The following TP53I13 variants were observed in gnomAD, a reference collection of about 807,000 sequenced individuals.
The protein encoded by TP53I13 is tumor protein p53-inducible protein 13.
A neutral mutation model predicts 39.1 loss-of-function variants in TP53I13; 27 were observed. That is an observed-to-expected ratio of 0.69 (90% CI 0.51 to 0.95). The LOEUF (loss-of-function observed/expected upper bound fraction) is 0.95, where lower values mean the gene tolerates loss of function less well. TP53I13 is among the 40% of genes least tolerant of loss of function. TP53I13 has a pLI of 0.00. For synonymous variants in TP53I13, 230 were observed against 224.6 expected (o/e 1.02, Z -0.22); for missense variants, 544 against 520.4 (o/e 1.05, Z -0.44).
At position 29,573,100 on chromosome 17, in the gene TP53I13, G is replaced by A. The variant is rs924163005; in HGVS notation, c.*176G>A. On this transcript the variant is annotated 3_prime_UTR_variant, in exon 7 of 7. Transcript: ENST00000301057. ...GAGTGGGCGGCCAAGGGGAGAAAAG[G>A]AGCCGCTTCTGCCTCCCTTGCCAAA... 5.4e-5 allele frequency: 25 copies of A among 463,734 alleles called. No homozygotes were observed. The highest frequency in any genetic ancestry group is 8.9e-5 in the Admixed American group (2 of 22,430). The allele number at this position is 463,734 out of a possible 1,614,324, so 28.7% of individuals were successfully genotyped here. A position where few individuals can be genotyped will look rare whatever the true frequency, so the allele number is the denominator to read the frequency against.
intron 3 of TP53I13, 29 bp downstream of exon 3, chr17:29,569,388 T>A: frequency 6.2e-7 from 1 of 1,611,624 alleles, no homozygotes; most frequent in Non-Finnish European, 8.5e-7. Context: ...CCACCACCCT[T>A]GGTGTCCACG....
chr17:29,566,415 G>A (rs1485942864), upstream of TP53I13: 2 of 1,611,932 alleles, frequency 1.2e-6, no homozygotes, highest in East Asian at 2.2e-5. Context: ...GGTAGTAGCC[G>A]CGCTCCAGGG....
At chr17:29,568,670 C>CG (rs965840140), upstream of TP53I13, 6 of 905,174 alleles carry the variant, frequency 6.6e-6, no homozygotes, top group Non-Finnish European at 7.9e-6. This position sits in a 1 kb window ranked among gnomAD's most constrained non-coding sequence, Gnocchi z 4.5. Context: ...GCGGGCGGCG[C>CG]GGGGGCGCTG....
At chr17:29,575,456 C>G, downstream of TP53I13, 2 of 1,607,084 alleles carry the variant, frequency 1.2e-6, no homozygotes, top group Non-Finnish European at 1.7e-6. This position sits in a 1 kb window ranked among gnomAD's most constrained non-coding sequence, Gnocchi z 5.5. Flanking sequence ...CTCTAGAAAC[C>G]TCTTCCCTTC....
the TP53I13 span, chr17:29,578,792 G>A: frequency 6.2e-7 from 1 of 1,613,680 alleles, no homozygotes. Flanking sequence ...GAGGGCAGAG[G>A]GAGATGGGAA....
chr17:29,575,236 C>A, downstream of TP53I13: 2 of 1,576,928 alleles, frequency 1.3e-6, no homozygotes, highest in Non-Finnish European at 1.7e-6. The surrounding 1 kb of genome is among the most constrained non-coding windows in gnomAD (Gnocchi z 5.5). Flanking sequence ...TCTGCAACAC[C>A]CTAGAAGCCA....
chr17:29,575,724 G>T (rs1156253272), downstream of TP53I13: 1 of 1,611,908 alleles, frequency 6.2e-7, no homozygotes, highest in Non-Finnish European at 8.5e-7. This position sits in a 1 kb window ranked among gnomAD's most constrained non-coding sequence, Gnocchi z 5.5. Context: ...GAGGGAAGGG[G>T]CTGTGAGCGC....
the TP53I13 span, chr17:29,581,974 G>T: frequency 6.2e-7 from 1 of 1,612,894 alleles, no homozygotes; most frequent in Non-Finnish European, 8.5e-7. This position sits in a 1 kb window ranked among gnomAD's most constrained non-coding sequence, Gnocchi z 4.8. Flanking sequence ...GGGAGCCAGG[G>T]TCAGCCCCAT....
chr17:29,568,582 T>C, upstream of TP53I13: 1 of 187,082 alleles, frequency 5.3e-6, no homozygotes, highest in Non-Finnish European at 1.0e-5. This position sits in a 1 kb window ranked among gnomAD's most constrained non-coding sequence, Gnocchi z 4.5. Context: ...GGGCGGGCAT[T>C]GGGGCGGGGC....
At chr17:29,577,076 T>G, downstream of TP53I13, 1 of 1,606,644 alleles carries the variant, frequency 6.2e-7, no homozygotes, top group Non-Finnish European at 8.5e-7. Flanking sequence ...GGGAGAGCCA[T>G]GCAGGAAAGA....
downstream of TP53I13, chr17:29,577,782 AGGCCCCCAAGGTGGGGGT>A (rs1168085780): frequency 7.9e-7 from 1 of 1,261,026 alleles, no homozygotes; most frequent in Non-Finnish European, 1.2e-6. Context: ...CACGGTGGCC[AGGCCCCCAAGGTGGGGGT>A]GGGGAAGCAC....
At chr17:29,581,484 A>G in the TP53I13 span, 4 of 972,522 alleles carry the variant, frequency 4.1e-6, no homozygotes, top group Admixed American at 7.1e-5. The surrounding 1 kb of genome is among the most constrained non-coding windows in gnomAD (Gnocchi z 4.8). Flanking sequence ...CAGAAGTGTC[A>G]GGGGAAAGTG....
downstream of TP53I13, chr17:29,575,748 C>G (rs1567768416): frequency 6.3e-7 from 1 of 1,598,602 alleles, no homozygotes; most frequent in Non-Finnish European, 8.5e-7. This position sits in a 1 kb window ranked among gnomAD's most constrained non-coding sequence, Gnocchi z 5.5. Flanking sequence ...GTTCCTGGAC[C>G]CACACTGCCC....
rs200220543 is a variant in TP53I13, at chr17:29,572,166, C to T, written c.538C>T (p.Arg180Trp). 5.0e-4 allele frequency: 798 copies of T among 1,607,968 alleles called. No homozygotes were observed. The highest frequency in any genetic ancestry group is 1.0e-3 in the Admixed American group (60 of 59,876). ...VQALALAFAL[R>W]SWRPPGTEVT... ...GGCCCTGGCTCTGGCCTTTGCTCTG[C>T]GGAGCTGGCGGCCCCCTGGCACAGA... Residue 180 changes from arginine (R) to tryptophan (W), a missense_variant, in exon 6 of 7, where the codon CGG (arginine) becomes TGG (tryptophan). Physicochemically the swap from Arg to Trp is moderately radical, Grantham distance 101. Coordinates refer to ENST00000301057, the MANE Select transcript of TP53I13 (RefSeq NM_138349.4).
At chr17:29,569,460 A>G (rs2032844144) in intron 3 of TP53I13, 101 bp downstream of exon 3, 1 of 1,170,126 alleles carries the variant, frequency 8.5e-7, no homozygotes, top group Non-Finnish European at 1.2e-6. Context: ...CCCATTCCTT[A>G]CCACTTCCCT....
upstream of TP53I13, chr17:29,566,438 G>C (rs781182639): frequency 6.2e-7 from 1 of 1,612,514 alleles, no homozygotes; most frequent in Non-Finnish European, 8.5e-7. Flanking sequence ...AGCAAGCAAA[G>C]GCCGAGCACG....
downstream of TP53I13, chr17:29,577,039 A>G: frequency 6.2e-7 from 1 of 1,606,658 alleles, no homozygotes; most frequent in Non-Finnish European, 8.5e-7. Context: ...TCCACCACAC[A>G]ACCCATCTCT....
chr17:29,575,032 C>T (rs765427882), downstream of TP53I13: 2 of 1,509,224 alleles, frequency 1.3e-6, no homozygotes. The surrounding 1 kb of genome is among the most constrained non-coding windows in gnomAD (Gnocchi z 5.5). Context: ...CACGCCTGCC[C>T]CAGCTCGAGG....
At chr17:29,578,148 C>T, downstream of TP53I13, 1 of 694,282 alleles carries the variant, frequency 1.4e-6, no homozygotes, top group South Asian at 1.6e-5. Context: ...TGGGATGCTG[C>T]CCAGGCAGGC....
Sources: gnomAD v4.1 joint callset for allele counts on GRCh38, gnomAD v4.1.1 for gene constraint, Gnocchi (gnomAD v3.1) non-coding constraint, MANE v1.5 for transcripts, NCBI Gene and HGNC (gene_info 2026-07-23, HGNC 2026-07-21) for gene names.